The following ENTREP2 variants were observed in gnomAD, a reference collection of about 807,000 sequenced individuals.
ENTREP2 encodes endosomal transmembrane epsin interactor 2, also known as protein ENTREP2.
chr15:29,674,331 G>T, the ENTREP2 span, among the ~76,000 whole-genome samples: 1 of 152,092 alleles, frequency 6.6e-6, no homozygotes, highest in Admixed American at 6.5e-5. Context: ...GTGCAGTGGC[G>T]CAATCTCAGC....
At chr15:29,355,976 A>G in the ENTREP2 span, among the ~76,000 whole-genome samples, 3 of 152,110 alleles carry the variant, frequency 2.0e-5, no homozygotes, top group Non-Finnish European at 4.4e-5. Context: ...TCATTTTTCC[A>G]TAAGGAAAAG....
the ENTREP2 span, among the ~76,000 whole-genome samples, chr15:29,630,829 A>G: frequency 3.2e-4 from 49 of 152,284 alleles, no homozygotes; most frequent in African/African-American, 1.1e-3. Flanking sequence ...TTGGGATTAC[A>G]GGTGCTCACC....
the ENTREP2 span, chr15:29,124,722 AG>A: frequency 6.4e-7 from 1 of 1,550,740 alleles, no homozygotes; most frequent in Non-Finnish European, 8.7e-7. Flanking sequence ...TCCCGCTTCC[AG>A]GTCCTGGCTA....
the ENTREP2 span, among the ~76,000 whole-genome samples, chr15:29,649,462 C>G: frequency 6.6e-6 from 1 of 152,044 alleles, no homozygotes; most frequent in African/African-American, 2.4e-5. Flanking sequence ...GGCTCACACC[C>G]ATAATCTCAG....
At chr15:29,121,787 G>C in the ENTREP2 span, 1 of 152,258 alleles carries the variant, frequency 6.6e-6, no homozygotes, top group South Asian at 2.1e-4. Context: ...GCCGACCACA[G>C]CTGAAGGAGT....
the ENTREP2 span, among the ~76,000 whole-genome samples, chr15:29,567,220 C>T: frequency 6.6e-6 from 1 of 152,170 alleles, no homozygotes. Flanking sequence ...CATCACAGAC[C>T]TCCGGCCAGG....
At chr15:29,328,661 C>T in the ENTREP2 span, among the ~76,000 whole-genome samples, 1 of 152,174 alleles carries the variant, frequency 6.6e-6, no homozygotes, top group Admixed American at 6.5e-5. Context: ...TCTGATACCA[C>T]TACTCACGTA....
At chr15:29,222,207 CAA>C in the ENTREP2 span, among the ~76,000 whole-genome samples, 1 of 152,278 alleles carries the variant, frequency 6.6e-6, no homozygotes, top group East Asian at 1.9e-4. Flanking sequence ...AAGATGGTGA[CAA>C]GAGTGATCTC....
the ENTREP2 span, among the ~76,000 whole-genome samples, chr15:29,331,266 C>CT: frequency 1.3e-5 from 2 of 152,180 alleles, no homozygotes; most frequent in Non-Finnish European, 2.9e-5. Context: ...GTCTGTGCCG[C>CT]TGGACAGCAG....
the ENTREP2 span, among the ~76,000 whole-genome samples, chr15:29,595,541 C>T: frequency 1.3e-4 from 20 of 152,198 alleles, no homozygotes; most frequent in South Asian, 1.0e-3. Context: ...TTAGTTGTCG[C>T]GTCTCCTACA....
the ENTREP2 span, among the ~76,000 whole-genome samples, chr15:29,452,134 C>G: frequency 6.6e-6 from 1 of 152,180 alleles, no homozygotes; most frequent in Admixed American, 6.5e-5. Context: ...AAGCCAAACC[C>G]AGAAATGTTT....
At chr15:29,565,827 G>A in the ENTREP2 span, among the ~76,000 whole-genome samples, 1 of 151,982 alleles carries the variant, frequency 6.6e-6, no homozygotes, top group Admixed American at 6.6e-5. Flanking sequence ...AGGGTGTGGT[G>A]GCGGGCGCCT....
chr15:29,157,598 T>C, the ENTREP2 span, among the ~76,000 whole-genome samples: 1 of 152,230 alleles, frequency 6.6e-6, no homozygotes, highest in South Asian at 2.1e-4. Context: ...TAGCACATTT[T>C]TGAGCAGGAA....
At chr15:29,317,915 C>T in the ENTREP2 span, among the ~76,000 whole-genome samples, 919 of 152,240 alleles carry the variant, frequency 6.0e-3, 10 homozygotes, top group African/African-American at 0.021. Context: ...GGCTAGCTCT[C>T]AAGGTGAGAT....
the ENTREP2 span, chr15:29,267,455 A>T: frequency 6.6e-6 from 1 of 152,234 alleles, no homozygotes. Flanking sequence ...ATTGAGATTC[A>T]GAGAGCTTAA....
At chr15:29,575,379 G>A in the ENTREP2 span, among the ~76,000 whole-genome samples, 1 of 152,142 alleles carries the variant, frequency 6.6e-6, no homozygotes, top group Admixed American at 6.6e-5. Context: ...GGACATTTAT[G>A]AAAGACCCAC....
the ENTREP2 span, among the ~76,000 whole-genome samples, chr15:29,633,951 C>A: frequency 2.7e-5 from 4 of 149,238 alleles, no homozygotes; most frequent in Non-Finnish European, 4.4e-5. Context: ...GACTTCATCT[C>A]AAAAAAAAGA....
At chr15:29,471,478 G>A in the ENTREP2 span, among the ~76,000 whole-genome samples, 9 of 152,188 alleles carry the variant, frequency 5.9e-5, no homozygotes, top group Non-Finnish European at 1.3e-4. Context: ...AAAACAGAGA[G>A]ACCCCGGGAG....
chr15:29,315,982 A>C, the ENTREP2 span, among the ~76,000 whole-genome samples: 18,618 of 136,666 alleles, frequency 0.14, 1,571 homozygotes, highest in African/African-American at 0.25. Context: ...CGAAAATCTA[A>C]GAGTAGTTAC....
Sources: gnomAD v4.1 joint callset for allele counts (sites outside exome capture counted in the v4.1 genomes callset) on GRCh38, gnomAD v4.1.1 for gene constraint, MANE v1.5 for transcripts, NCBI Gene and HGNC (gene_info 2026-07-23, HGNC 2026-07-21) for gene names.